The following FRMD4A variants were observed in gnomAD, a reference collection of about 807,000 sequenced individuals.
FRMD4A encodes the protein FERM domain-containing protein 4A.
In FRMD4A, 29 loss-of-function variants were observed where a neutral mutation model predicts 129.1. That is an observed-to-expected ratio of 0.22 (90% confidence interval 0.17 to 0.31). The LOEUF is 0.31. Among genes scored for constraint, FRMD4A ranks in the 10% least tolerant of loss-of-function variants. The pLI, the probability that FRMD4A is intolerant of heterozygous loss-of-function variation, is 1.00. For synonymous variants in FRMD4A, 634 were observed against 571.6 expected, an observed-to-expected ratio of 1.11 and a Z score of -1.56; for missense variants, 1,272 against 1,375.8, an observed-to-expected ratio of 0.92 and a Z score of 1.19.
intron 16 of FRMD4A, among the ~76,000 whole-genome samples, chr10:13,674,424 G>GGT (rs2083791533): frequency 6.6e-6 from 1 of 152,122 alleles, no homozygotes; most frequent in African/African-American, 2.4e-5. Flanking sequence ...GGTCCTCTTT[G>GGT]GGATTTTGCC....
intron 3 of FRMD4A, among the ~76,000 whole-genome samples, chr10:13,855,974 T>C (rs2131027916): frequency 6.6e-6 from 1 of 151,728 alleles, no homozygotes; most frequent in South Asian, 2.1e-4. Context: ...TATATATAAA[T>C]ATAAATATAT....
chr10:14,039,447 AATCAATCAATCTATCTATCT>A (rs1283958248), intron 2 of FRMD4A, among the ~76,000 whole-genome samples: 4 of 68,404 alleles, frequency 5.8e-5, no homozygotes, highest in Non-Finnish European at 1.3e-4. Flanking sequence ...GGAACCCCAA[AATCAATCAATCTATCTATCT>A]ATCTATCTAT....
At position 13,968,070 on chromosome 10, in the gene FRMD4A, G is replaced by A. The variant is rs116836451; in HGVS notation, c.46-109158C>T. 9.7e-3 allele frequency among the ~76,000 whole-genome samples: 1,471 copies of A among 152,268 alleles called. 19 individuals carry two copies. The highest frequency in any genetic ancestry group is 0.024 in the Middle Eastern group (7 of 294). ...TTTAAAGTGGCTCCCCAGTGATCCTGATGCTGCCTTTTGCTATGTGCAGAA... is the reference window on the plus strand; with the variant it reads ...TTTAAAGTGGCTCCCCAGTGATCCTAATGCTGCCTTTTGCTATGTGCAGAA... On this transcript the variant is annotated intron_variant, in intron 2 of 24. Transcript: ENST00000357447.
intron 22 of FRMD4A, 60 bp downstream of exon 22, chr10:13,656,576 G>T: frequency 7.5e-7 from 1 of 1,330,060 alleles, no homozygotes; most frequent in Non-Finnish European, 9.6e-7. Flanking sequence ...GGTAGCCCTT[G>T]ACACCGGCAA....
At chr10:13,981,332 A>G (rs1238252294) in intron 2 of FRMD4A, among the ~76,000 whole-genome samples, 1 of 152,220 alleles carries the variant, frequency 6.6e-6, no homozygotes, top group Non-Finnish European at 1.5e-5. Flanking sequence ...GCAGTCAACC[A>G]AAGCATCTGT....
chr10:13,860,249 T>A (rs1184054950), intron 2 of FRMD4A, among the ~76,000 whole-genome samples: 1 of 152,214 alleles, frequency 6.6e-6, no homozygotes, highest in Non-Finnish European at 1.5e-5. Flanking sequence ...AAACATAGCC[T>A]CAAGCTCATA....
chr10:13,915,163 T>C (rs989950503), intron 2 of FRMD4A, among the ~76,000 whole-genome samples: 18 of 152,206 alleles, frequency 1.2e-4, no homozygotes, highest in African/African-American at 4.3e-4. Context: ...TTTGCAAATT[T>C]CATCAAATCC....
intron 2 of FRMD4A, among the ~76,000 whole-genome samples, chr10:14,059,991 A>G (rs1479503327): frequency 6.6e-6 from 1 of 152,236 alleles, no homozygotes; most frequent in East Asian, 1.9e-4. Context: ...TCGCTAACTC[A>G]ACTAGTAAGT....
intron 12 of FRMD4A, among the ~76,000 whole-genome samples, chr10:13,717,438 C>T (rs1006018818): frequency 1.3e-5 from 2 of 152,052 alleles, no homozygotes; most frequent in African/African-American, 4.8e-5. Flanking sequence ...CTCAGCCTCC[C>T]GAATAGCTGA....
At chr10:14,225,652 C>A (rs1843409804) in intron 2 of FRMD4A, among the ~76,000 whole-genome samples, 1 of 152,206 alleles carries the variant, frequency 6.6e-6, no homozygotes, top group Non-Finnish European at 1.5e-5. Flanking sequence ...GCTATTGCAG[C>A]CTGATCTCAT....
chr10:13,886,026 T>C (rs1285624638), intron 2 of FRMD4A, among the ~76,000 whole-genome samples: 1 of 152,128 alleles, frequency 6.6e-6, no homozygotes, highest in Non-Finnish European at 1.5e-5. Context: ...TATTGGTAGG[T>C]ATGTCGTCTA....
At chr10:13,798,879 G>T (rs1305776795) in intron 4 of FRMD4A, among the ~76,000 whole-genome samples, 1 of 152,188 alleles carries the variant, frequency 6.6e-6, no homozygotes, top group East Asian at 1.9e-4. Context: ...ATGCCCCACA[G>T]GTTCCATGAT....
intron 5 of FRMD4A, among the ~76,000 whole-genome samples, chr10:13,787,751 CTT>C (rs368308653): frequency 7.1e-6 from 1 of 140,932 alleles, no homozygotes; most frequent in Non-Finnish European, 1.5e-5. Flanking sequence ...GCCTCTTCTT[CTT>C]TTTTTTTTTT....
At chr10:14,260,601 G>A (rs983995236) in intron 2 of FRMD4A, among the ~76,000 whole-genome samples, 25 of 152,168 alleles carry the variant, frequency 1.6e-4, no homozygotes, top group African/African-American at 5.6e-4. Context: ...ACTGAAGCCT[G>A]AGCAATCACA....
rs1490244574 is a variant in FRMD4A at position 14,129,399 on chromosome 10, TATATATATAA to T, written c.45+200649_45+200658del. On this transcript the variant is annotated intron_variant, in intron 2 of 24. Coordinates refer to ENST00000357447, the MANE Select transcript of FRMD4A (RefSeq NM_018027.5). The stretch of plus-strand genomic sequence containing the variant: ...ATATATATATATATATATATATATA[TATATATATAA>T]AAAATATGAGCTGTAGAACATACTT... Among the ~76,000 whole-genome samples the T allele has an allele frequency of 3.2e-3, 424 of 132,762 alleles. 6 individuals are homozygous for T. The highest frequency in any genetic ancestry group is 0.012 in the African/African-American group (374 of 31,738). 87.1% of individuals were successfully genotyped at this position (132,762 alleles called of 152,430 possible).
chr10:13,908,226 ATTAAAG>A (rs1174039780), intron 2 of FRMD4A, among the ~76,000 whole-genome samples: 1 of 150,454 alleles, frequency 6.6e-6, no homozygotes, highest in African/African-American at 2.4e-5. Flanking sequence ...TGTAACTACC[ATTAAAG>A]TTAAACACTT....
At chr10:13,899,354 G>A (rs1011254088) in intron 2 of FRMD4A, among the ~76,000 whole-genome samples, 7 of 151,924 alleles carry the variant, frequency 4.6e-5, no homozygotes, top group African/African-American at 1.7e-4. Context: ...TTCCTATGAG[G>A]TGGAAACTGT....
chr10:13,692,770 A>C (rs1350663069), intron 15 of FRMD4A: 1 of 152,292 alleles, frequency 6.6e-6, no homozygotes, highest in African/African-American at 2.4e-5. Flanking sequence ...ATATATAGTA[A>C]TATAAATTAC....
chr10:13,971,173 T>C (rs964336705), intron 2 of FRMD4A, among the ~76,000 whole-genome samples: 23 of 151,608 alleles, frequency 1.5e-4, no homozygotes, highest in African/African-American at 5.6e-4. Context: ...GGCACACACA[T>C]GCATGCACAC....
Sources: allele counts gnomAD v4.1 joint callset (sites outside exome capture counted in the v4.1 genomes callset), GRCh38; gene constraint gnomAD v4.1.1; transcripts MANE v1.5; gene names NCBI Gene and HGNC (gene_info 2026-07-23, HGNC 2026-07-21).